The following ZNF280D variants were observed in gnomAD, a reference collection of about 807,000 sequenced individuals.
ZNF280D encodes suppressor of hairy wing homolog 4.
In ZNF280D, 39 loss-of-function variants were observed where a neutral mutation model predicts 94.7. The observed-to-expected ratio is 0.41, with a 90% CI of 0.32 to 0.54. ZNF280D has a LOEUF of 0.54. Among genes scored for constraint, ZNF280D ranks in the 20% least tolerant of loss-of-function variants. The pLI is 0.22. For synonymous variants in ZNF280D, 398 were observed against 377.6 expected (o/e 1.05, Z -0.63); for missense variants, 1,090 against 1,149.3 (o/e 0.95, Z 0.75).
chr15:56,706,808 G>C (rs1289820149), intron 3 of ZNF280D, among the ~76,000 whole-genome samples: 1 of 151,958 alleles, frequency 6.6e-6, no homozygotes, highest in Admixed American at 6.6e-5. Flanking sequence ...AATTTTTTTA[G>C]AAATAATTTA....
chr15:56,663,238 G>A (rs538216034), intron 16 of ZNF280D, among the ~76,000 whole-genome samples: 2 of 143,026 alleles, frequency 1.4e-5, no homozygotes, highest in Non-Finnish European at 3.0e-5. Flanking sequence ...GAACTGTGAT[G>A]GAGCCACTGC....
chr15:56,655,572 C>A (rs2053498101), intron 17 of ZNF280D, among the ~76,000 whole-genome samples: 1 of 152,152 alleles, frequency 6.6e-6, no homozygotes, highest in Non-Finnish European at 1.5e-5. Context: ...GGAAACAATT[C>A]CCTAGTTATC....
chr15:56,655,081 A>G (rs2053459621), intron 17 of ZNF280D, among the ~76,000 whole-genome samples: 1 of 152,226 alleles, frequency 6.6e-6, no homozygotes, highest in African/African-American at 2.4e-5. Flanking sequence ...TTATGTGTCA[A>G]GAGTTTTCCC....
chr15:56,642,773 C>T (rs1596332094), intron 20 of ZNF280D, among the ~76,000 whole-genome samples, 179 bp downstream of exon 20: 1 of 151,710 alleles, frequency 6.6e-6, no homozygotes, highest in African/African-American at 2.4e-5. Flanking sequence ...TAAAATTTTA[C>T]TTAGGGCTAG....
chr15:56,715,394 G>T (rs1294555934), intron 1 of ZNF280D, among the ~76,000 whole-genome samples: 1 of 152,114 alleles, frequency 6.6e-6, no homozygotes, highest in Non-Finnish European at 1.5e-5. Flanking sequence ...ACTCACTAGA[G>T]TTTGGTGTGT....
intron 3 of ZNF280D, 34 bp downstream of exon 3, chr15:56,707,048 A>C: frequency 6.2e-7 from 1 of 1,605,006 alleles, no homozygotes; most frequent in Non-Finnish European, 8.5e-7. Context: ...CAAAAGCCAC[A>C]TATATTAGTA....
intron 20 of ZNF280D, among the ~76,000 whole-genome samples, chr15:56,637,957 T>C (rs1418381814): frequency 2.0e-5 from 3 of 152,164 alleles, no homozygotes; most frequent in Non-Finnish European, 2.9e-5. Flanking sequence ...CTGAAAATAT[T>C]TGGGTCTGTG....
chr15:56,669,617 G>A (rs527521564), intron 13 of ZNF280D, among the ~76,000 whole-genome samples: 1 of 150,000 alleles, frequency 6.7e-6, no homozygotes, highest in Non-Finnish European at 1.5e-5. Context: ...TATGTGGCTA[G>A]TAGCTACTAC....
intron 16 of ZNF280D, among the ~76,000 whole-genome samples, chr15:56,664,171 G>A (rs567976919): frequency 2.0e-5 from 3 of 152,260 alleles, no homozygotes; most frequent in East Asian, 1.9e-4. Flanking sequence ...TAAATATGGT[G>A]ATATGTTCAT....
chr15:56,715,221 C>G (rs1182625792), intron 1 of ZNF280D, among the ~76,000 whole-genome samples: 1 of 152,104 alleles, frequency 6.6e-6, no homozygotes. Context: ...AGGAAATACC[C>G]TATCATGGAA....
chr15:56,702,156 A>G (rs191062291), intron 4 of ZNF280D, among the ~76,000 whole-genome samples: 84 of 152,186 alleles, frequency 5.5e-4, no homozygotes, highest in African/African-American at 1.9e-3. Flanking sequence ...TTGTTTTCTG[A>G]TAAGGTCAAT....
In ZNF280D at chr15:56,701,032, C is replaced by T. The variant is rs898145276; in HGVS notation, c.282G>A (p.Thr94=). The T allele has an allele frequency of 3.1e-6, 5 of 1,613,664 alleles. No homozygotes were observed. Among genetic ancestry groups the T allele is most frequent in the Non-Finnish European group, 3.4e-6 (4 of 1,179,802 alleles). ...AAFKPTSQHY[T]NPTSNPVPAS... The stretch of plus-strand genomic sequence containing the variant: ...CAGGCACTGGATTTGATGTTGGATT[C>T]GTGTAGTGTTGACTTGTAGGCTTGA... Residue 94 remains threonine (T), a synonymous_variant, in exon 6 of 22, where the codon ACG becomes ACA. Coordinates refer to ENST00000267807, the MANE Select transcript of ZNF280D (RefSeq NM_017661.4).
intron 13 of ZNF280D, among the ~76,000 whole-genome samples, chr15:56,675,660 A>G (rs557472775): frequency 3.9e-5 from 6 of 152,142 alleles, no homozygotes; most frequent in Admixed American, 1.3e-4. Context: ...GTCACAACAC[A>G]TATGATCCCA....
chr15:56,694,294 TACACACACACACACACAC>T (rs57017142), intron 6 of ZNF280D, among the ~76,000 whole-genome samples: 13 of 138,508 alleles, frequency 9.4e-5, no homozygotes, highest in South Asian at 2.4e-4. Context: ...TAATGACACA[TACACACACACACACACAC>T]ACACACACAC....
intron 3 of ZNF280D, among the ~76,000 whole-genome samples, chr15:56,705,738 G>A (rs2141238396): frequency 6.6e-6 from 1 of 152,082 alleles, no homozygotes; most frequent in Non-Finnish European, 1.5e-5. Flanking sequence ...TGCAATTCAA[G>A]ATTTAACATA....
chr15:56,676,923 A>G, intron 12 of ZNF280D, 107 bp from the exon 13 acceptor site: 3 of 832,772 alleles, frequency 3.6e-6, no homozygotes, highest in Non-Finnish European at 3.7e-6. Flanking sequence ...TGTACTACTA[A>G]TCTAGCTCTG....
intron 19 of ZNF280D, chr15:56,653,042 A>T (rs1046830671): frequency 2.4e-5 from 23 of 968,274 alleles, no homozygotes; most frequent in Admixed American, 6.2e-5. Flanking sequence ...AAATGCAAGA[A>T]TCGGTATTGT....
intron 14 of ZNF280D, 72 bp downstream of exon 14, chr15:56,668,751 A>G: frequency 2.2e-6 from 3 of 1,343,146 alleles, no homozygotes; most frequent in Non-Finnish European, 3.0e-6. Context: ...AATACATTCA[A>G]TATATAAAGC....
intron 13 of ZNF280D, among the ~76,000 whole-genome samples, chr15:56,673,277 C>CA (rs1392375296): frequency 1.9e-4 from 28 of 151,164 alleles, no homozygotes; most frequent in South Asian, 8.3e-4. Flanking sequence ...CCCCCTCCTA[C>CA]AAAAAAAAAT....
Sources: gnomAD v4.1 joint callset for allele counts (sites outside exome capture counted in the v4.1 genomes callset) on GRCh38, gnomAD v4.1.1 for gene constraint, MANE v1.5 for transcripts, NCBI Gene and HGNC (gene_info 2026-07-23, HGNC 2026-07-21) for gene names.